Variants in CENPP observed in about 807,000 individuals in gnomAD.
CENPP encodes the protein centromere protein P.
In CENPP, 24 loss-of-function variants were observed where a neutral mutation model predicts 35.6. The observed-to-expected ratio is 0.67, with a 90% CI of 0.49 to 0.95. The LOEUF (loss-of-function observed/expected upper bound fraction) is 0.95, where lower values mean the gene tolerates loss of function less well. CENPP is among the 40% of genes least tolerant of loss of function. The pLI, the probability that CENPP is intolerant of heterozygous loss-of-function variation, is 0.00. For missense variants in CENPP, 332 were observed against 345.3 expected (o/e 0.96, Z 0.31); for synonymous variants, 120 against 125.5 (o/e 0.96, Z 0.29).
intron 1 of CENPP, among the ~76,000 whole-genome samples, chr9:92,328,373 C>A (rs1200225947): frequency 6.6e-6 from 1 of 152,148 alleles, no homozygotes; most frequent in Non-Finnish European, 1.5e-5. Flanking sequence ...CTAAATTATT[C>A]AGCTATATCC....
At chr9:92,392,862 A>AT (rs1429265416) in intron 5 of CENPP, among the ~76,000 whole-genome samples, 2 of 152,188 alleles carry the variant, frequency 1.3e-5, no homozygotes, top group Non-Finnish European at 2.9e-5. Context: ...ATGGGCTGTC[A>AT]TCATAGACAG....
At chr9:92,610,079 G>A (rs566674048) in intron 5 of CENPP, among the ~76,000 whole-genome samples, 8 of 151,916 alleles carry the variant, frequency 5.3e-5, no homozygotes, top group Admixed American at 3.9e-4. Context: ...GTTTTGAGAC[G>A]GAGTCTTGCT....
At chr9:92,557,728 T>C (rs187505346) in intron 5 of CENPP, among the ~76,000 whole-genome samples, 5 of 152,288 alleles carry the variant, frequency 3.3e-5, no homozygotes, top group Non-Finnish European at 7.4e-5. Flanking sequence ...CTGCAACCTC[T>C]GCCTCCCAGG....
chr9:92,403,192 G>A, intron 5 of CENPP: 1 of 1,329,586 alleles, frequency 7.5e-7, no homozygotes, highest in South Asian at 1.4e-5. Context: ...CATTTAAATG[G>A]GCAGTATTTT....
chr9:92,546,441 G>A (rs917586315), intron 5 of CENPP, among the ~76,000 whole-genome samples: 2 of 152,122 alleles, frequency 1.3e-5, no homozygotes, highest in African/African-American at 4.8e-5. Flanking sequence ...ACTCATGGGG[G>A]AAGATCTGCA....
intron 5 of CENPP, among the ~76,000 whole-genome samples, chr9:92,508,061 G>T (rs1434310871): frequency 6.6e-6 from 1 of 152,180 alleles, no homozygotes; most frequent in East Asian, 1.9e-4. Context: ...TGAGTGAGGA[G>T]CCACCCCAAG....
chr9:92,573,572 G>C (rs1382331489), intron 5 of CENPP, among the ~76,000 whole-genome samples: 1 of 152,230 alleles, frequency 6.6e-6, no homozygotes, highest in African/African-American at 2.4e-5. Flanking sequence ...AAGGCGGTCT[G>C]TCCGTTCTCA....
At chr9:92,604,655 C>A (rs543326445) in intron 5 of CENPP, among the ~76,000 whole-genome samples, 1 of 152,084 alleles carries the variant, frequency 6.6e-6, no homozygotes, top group African/African-American at 2.4e-5. Flanking sequence ...AGTACAAGAG[C>A]GTGATCTCAG....
chr9:92,500,332 AC>A (rs150228361), intron 5 of CENPP, among the ~76,000 whole-genome samples: 2,004 of 152,242 alleles, frequency 0.013, 26 homozygotes, highest in Non-Finnish European at 0.021. Flanking sequence ...ACAGACACGC[AC>A]CACCACGCCC....
In CENPP at chr9:92,416,685, A is replaced by G. The variant is rs763657865; in HGVS notation, c.564+36826A>G. 11 of 1,611,274 alleles carry G rather than the reference A, an allele frequency of 6.8e-6. No homozygotes were observed. The East Asian group carries it at 2.5e-4, about 36-fold the overall frequency. On this transcript the variant is annotated intron_variant, in intron 5 of 7. Transcript: ENST00000375587. Reference sequence around the variant, plus strand: ...CTTGGAATATAGAATGCTTGCTTCAATTTGTTGTGTCCAACACTGAGTTCT... The same window carrying G: ...CTTGGAATATAGAATGCTTGCTTCAGTTTGTTGTGTCCAACACTGAGTTCT...
chr9:92,364,952 T>C (rs1841850025), intron 4 of CENPP, among the ~76,000 whole-genome samples: 1 of 152,176 alleles, frequency 6.6e-6, no homozygotes, highest in Non-Finnish European at 1.5e-5. Context: ...AACAAACCAC[T>C]TGAAAATATA....
intron 3 of CENPP, among the ~76,000 whole-genome samples, chr9:92,339,160 T>G (rs1841027458): frequency 6.6e-6 from 1 of 152,202 alleles, no homozygotes; most frequent in Non-Finnish European, 1.5e-5. Context: ...ATCAGATATC[T>G]AAAGTGGTGT....
intron 5 of CENPP, among the ~76,000 whole-genome samples, chr9:92,453,341 C>T (rs1228568436): frequency 6.6e-6 from 1 of 152,096 alleles, no homozygotes; most frequent in East Asian, 1.9e-4. Context: ...TTATTTCTGC[C>T]TTCATTTCGT....
At chr9:92,418,034 CAAAATT>C (rs941167016) in intron 5 of CENPP, among the ~76,000 whole-genome samples, 3 of 148,760 alleles carry the variant, frequency 2.0e-5, no homozygotes, top group African/African-American at 5.0e-5. Context: ...GGCCTCAAAC[CAAAATT>C]AATGTTTAAG....
At chr9:92,425,513 T>C (rs1239690909) in intron 5 of CENPP, among the ~76,000 whole-genome samples, 2 of 152,234 alleles carry the variant, frequency 1.3e-5, no homozygotes, top group East Asian at 3.8e-4. Flanking sequence ...CTTGTGTCTT[T>C]TGGCAGTAGA....
chr9:92,382,894 T>A (rs1010306608), intron 5 of CENPP, among the ~76,000 whole-genome samples: 32 of 27,926 alleles, frequency 1.1e-3, no homozygotes, highest in Non-Finnish European at 4.5e-4. Flanking sequence ...CTGTTTTCCT[T>A]TTTTTTTTTT....
chr9:92,415,117 G>A, intron 5 of CENPP: 3 of 1,470,722 alleles, frequency 2.0e-6, no homozygotes, highest in Non-Finnish European at 2.8e-6. Context: ...TATAGGTTTT[G>A]TGAAGTCGTA....
At chr9:92,438,013 G>T (rs1844290092) in intron 5 of CENPP, among the ~76,000 whole-genome samples, 1 of 151,376 alleles carries the variant, frequency 6.6e-6, no homozygotes, top group South Asian at 2.1e-4. Context: ...TCCCTGTGTT[G>T]CCCAGGCTGG....
intron 3 of CENPP, 107 bp downstream of exon 3, chr9:92,337,736 C>T: frequency 1.3e-6 from 1 of 762,094 alleles, no homozygotes; most frequent in Non-Finnish European, 2.3e-6. Flanking sequence ...AGTTCATGAG[C>T]CAGGGCCCCC....
Sources: gnomAD v4.1 joint callset for allele counts (sites outside exome capture counted in the v4.1 genomes callset) on GRCh38, gnomAD v4.1.1 for gene constraint, MANE v1.5 for transcripts, NCBI Gene and HGNC (gene_info 2026-07-23, HGNC 2026-07-21) for gene names.